PWWP2A: variants seen among roughly 807,000 people sequenced by gnomAD.
PWWP2A encodes the protein PWWP domain containing 2A.
A neutral mutation model predicts 48.5 loss-of-function variants in PWWP2A; 18 were observed. The ratio of observed to expected loss-of-function variants is 0.37; its 90% confidence interval spans 0.26 to 0.55. PWWP2A has a LOEUF of 0.55. PWWP2A is among the 20% of genes least tolerant of loss of function. The pLI is 0.81. For missense variants in PWWP2A, 867 were observed against 976.4 expected (o/e 0.89, Z 1.49); for synonymous variants, 396 against 387.7 (o/e 1.02, Z -0.25).
At position 160,077,829 on chromosome 5, in the gene PWWP2A, A is replaced by T; in HGVS notation, c.*326T>A. 1 of 314,672 alleles carries T rather than the reference A, an allele frequency of 3.2e-6. No individual in the cohort carries two copies. Among genetic ancestry groups the T allele is most frequent in the Non-Finnish European group, 6.0e-6 (1 of 167,256 alleles). 19.5% of individuals were successfully genotyped at this position (314,672 alleles called of 1,614,324 possible). A position where few individuals can be genotyped will look rare whatever the true frequency, so the allele number is the denominator to read the frequency against. ...TAGGCCTGTCCAAACTGTACTGATA[A>T]GAACTTCACATTCCAAAGAAGTTAC... On this transcript the variant is annotated 3_prime_UTR_variant, in exon 4 of 4. Coordinates refer to the PWWP2A transcript ENST00000456329. This position sits in a 1 kb window ranked among gnomAD's most constrained non-coding sequence, Gnocchi z 4.2.
chr5:160,102,397 CAAA>C (rs70988002), intron 1 of PWWP2A, among the ~76,000 whole-genome samples: 1 of 64,224 alleles, frequency 1.6e-5, no homozygotes, highest in Non-Finnish European at 2.9e-5. Context: ...GACTCCATCT[CAAA>C]AAAAAAAAAA....
At chr5:160,054,883 G>A in the PWWP2A span, among the ~76,000 whole-genome samples, 1 of 152,144 alleles carries the variant, frequency 6.6e-6, no homozygotes, top group African/African-American at 2.4e-5. Flanking sequence ...ACATTTAAAA[G>A]TAAAACTGAC....
At chr5:160,090,301 G>C, downstream of PWWP2A, 1 of 984,928 alleles carries the variant, frequency 1.0e-6, no homozygotes, top group Non-Finnish European at 1.2e-6. Flanking sequence ...AACTCACCCA[G>C]ATCATTACAC....
At chr5:160,079,055 G>A (rs771361102) in intron 3 of PWWP2A, among the ~76,000 whole-genome samples, 12 of 152,062 alleles carry the variant, frequency 7.9e-5, no homozygotes, top group Admixed American at 2.0e-4. Context: ...GTACCAACAC[G>A]AGTTTGAGTT....
chr5:160,090,608 ACTTG>A (rs1754985222), downstream of PWWP2A: 60 of 985,222 alleles, frequency 6.1e-5, no homozygotes, highest in South Asian at 2.5e-3. Context: ...AAGAAATTCT[ACTTG>A]CTTCTGCAAA....
intron 2 of PWWP2A, among the ~76,000 whole-genome samples, chr5:160,081,926 A>C (rs1754262312): frequency 6.6e-6 from 1 of 152,208 alleles, no homozygotes; most frequent in African/African-American, 2.4e-5. Flanking sequence ...AAGCAGCAGT[A>C]TATAATGAAA....
intron 1 of PWWP2A, among the ~76,000 whole-genome samples, chr5:160,095,077 A>AAAAG (rs1755491505): frequency 6.9e-6 from 1 of 144,630 alleles, no homozygotes; most frequent in African/African-American, 2.6e-5. Context: ...AAAAAAAAAA[A>AAAAG]GACTACTTAT....
chr5:160,044,662 TGGCTTTGGTG>T, the PWWP2A span, among the ~76,000 whole-genome samples: 1 of 152,244 alleles, frequency 6.6e-6, no homozygotes, highest in Admixed American at 6.5e-5. Context: ...ATCGCCATCT[TGGCTTTGGTG>T]GGCTTTGGCC....
downstream of PWWP2A, among the ~76,000 whole-genome samples, chr5:160,057,465 G>A (rs988343364): frequency 6.6e-6 from 1 of 151,924 alleles, no homozygotes; most frequent in Non-Finnish European, 1.5e-5. The surrounding 1 kb of genome is among the most constrained non-coding windows in gnomAD (Gnocchi z 4.4). Context: ...TGCTGACGAT[G>A]AGCCCAGCCT....
chr5:160,089,708 G>T, downstream of PWWP2A: 1 of 1,262,398 alleles, frequency 7.9e-7, no homozygotes, highest in Non-Finnish European at 1.0e-6. Flanking sequence ...TCCTTCACTT[G>T]GTTTCTCCCC....
At chr5:160,110,118 T>C (rs1757407820) in intron 1 of PWWP2A, among the ~76,000 whole-genome samples, 1 of 151,476 alleles carries the variant, frequency 6.6e-6, no homozygotes, top group South Asian at 2.1e-4. Context: ...CCTCCCGGAT[T>C]CCAGTGATTT....
chr5:160,082,443 CAAA>C (rs35974527), intron 2 of PWWP2A, among the ~76,000 whole-genome samples: 18 of 134,708 alleles, frequency 1.3e-4, no homozygotes, highest in Non-Finnish European at 1.3e-4. Context: ...GACTCCGTCT[CAAA>C]AAAAAAAAAA....
Position 160,118,998 on chromosome 5 carries a change from C to T in PWWP2A, c.391G>A (p.Glu131Lys). The T allele has an allele frequency of 6.3e-7, 1 of 1,598,144 alleles. No homozygotes were observed. The highest frequency in any genetic ancestry group is 8.5e-7 in the Non-Finnish European group (1 of 1,174,596). The change falls in exon 1 of 2, where the codon GAG becomes AAG. Residue 131 changes from glutamate (E) to lysine (K), a missense_variant. Transcript: ENST00000307063. ...ACGGGCTGAGGCAGCGGCGGCTCCT[C>T]GCGCTCCTCGGGAGCCGGGGGCTGC... is the stretch of plus-strand genomic sequence containing the variant. ...PEQPPAPEER[E>K]EPPLPQPVAP... is the part of the protein sequence containing the mutation.
intron 1 of PWWP2A, among the ~76,000 whole-genome samples, chr5:160,100,606 A>C (rs1756172687): frequency 1.3e-5 from 2 of 152,222 alleles, no homozygotes; most frequent in African/African-American, 4.8e-5. Context: ...GTCTCTACAG[A>C]AAAAGGAAAA....
At chr5:160,098,970 C>T (rs937819879) in intron 1 of PWWP2A, among the ~76,000 whole-genome samples, 4 of 152,026 alleles carry the variant, frequency 2.6e-5, no homozygotes, top group African/African-American at 4.8e-5. Flanking sequence ...CAAAACAAAA[C>T]CCTAATTCTT....
At chr5:160,108,286 C>T (rs756586702) in intron 1 of PWWP2A, among the ~76,000 whole-genome samples, 2 of 152,120 alleles carry the variant, frequency 1.3e-5, no homozygotes, top group Non-Finnish European at 2.9e-5. Flanking sequence ...ATGCAACATG[C>T]AATGGAAGAG....
Position 160,092,780 on chromosome 5 carries a change from T to C in PWWP2A, c.1870A>G (p.Lys624Glu). ...PSTSSTSSSSKEEKKLSNSLK... is the reference protein window; with the variant it reads ...PSTSSTSSSSEEEKKLSNSLK... ...GAATTACTGAGCTTTTTCTCTTCCTTTGAAGAGGAGGAAGTGGAGGAGGTG... is the reference window on the plus strand; with the variant it reads ...GAATTACTGAGCTTTTTCTCTTCCTCTGAAGAGGAGGAAGTGGAGGAGGTG... Residue 624 changes from lysine (K) to glutamate (E), a missense_variant, in exon 2 of 2, where the codon AAG becomes GAG. Lys to Glu is a moderately conservative substitution (Grantham distance 56). Coordinates refer to ENST00000307063, the MANE Select transcript of PWWP2A (RefSeq NM_001130864.2). 1 of 1,551,670 alleles carries C rather than the reference T, an allele frequency of 6.4e-7. No homozygotes were observed. The highest frequency in any genetic ancestry group is 8.7e-7 in the Non-Finnish European group (1 of 1,146,964).
chr5:160,093,414 T>C lies in PWWP2A; in HGVS notation c.1236A>G (p.Leu412=). 1 of 1,613,700 alleles carries C rather than the reference T, an allele frequency of 6.2e-7. No individual in the cohort carries two copies. Among genetic ancestry groups the C allele is most frequent in the Non-Finnish European group, 8.5e-7 (1 of 1,179,818 alleles). Reference sequence around the variant, plus strand: ...TACTCTGGAGAACTTTTTTAGTACTTAACTGAGCTTTTGATGTATTTGCCT... The same window carrying C: ...TACTCTGGAGAACTTTTTTAGTACTCAACTGAGCTTTTGATGTATTTGCCT... The part of the protein sequence containing the change: ...SAQANTSKAQ[L]STKKVLQSKN... The change falls in exon 2 of 2, where the codon TTA becomes TTG. Residue 412 remains leucine, a synonymous_variant. Transcript: ENST00000307063. The surrounding 1 kb of genome is among the most constrained non-coding windows in gnomAD (Gnocchi z 5.8).
intron 1 of PWWP2A, among the ~76,000 whole-genome samples, chr5:160,105,239 CAAAAAAAAAAAAAAA>C (rs70990704): frequency 5.5e-4 from 27 of 48,946 alleles, no homozygotes; most frequent in Non-Finnish European, 6.6e-4. Context: ...GTCTCTAAGG[CAAAAAAAAAAAAAAA>C]AAAAAAAAAA....
Sources: gnomAD v4.1 joint callset for allele counts (sites outside exome capture counted in the v4.1 genomes callset) on GRCh38, gnomAD v4.1.1 for gene constraint, Gnocchi (gnomAD v3.1) non-coding constraint, MANE v1.5 for transcripts, NCBI Gene and HGNC (gene_info 2026-07-23, HGNC 2026-07-21) for gene names.